Variants in DDX10 observed in about 807,000 individuals in gnomAD.
DDX10 encodes the protein probable ATP-dependent RNA helicase DDX10.
A neutral mutation model predicts 104.3 loss-of-function variants in DDX10; 74 were observed. The ratio of observed to expected loss-of-function variants is 0.71; its 90% CI spans 0.59 to 0.86. The LOEUF is 0.86. Ranked by LOEUF, DDX10 falls within the 40% of genes least tolerant of loss-of-function variation. The pLI, the probability that DDX10 is intolerant of heterozygous loss-of-function variation, is 0.00. For missense variants in DDX10, 952 were observed against 1,040.0 expected (o/e 0.92, Z 1.16); for synonymous variants, 351 against 353.4 (o/e 0.99, Z 0.08).
chr11:108,676,748 G>A (rs957543438), intron 3 of DDX10, among the ~76,000 whole-genome samples: 1 of 152,116 alleles, frequency 6.6e-6, no homozygotes, highest in African/African-American at 2.4e-5. Flanking sequence ...CCAGCCAAAA[G>A]TTTTAGTGTG....
chr11:108,802,505 A>G (rs926022558), intron 13 of DDX10, among the ~76,000 whole-genome samples: 17 of 152,202 alleles, frequency 1.1e-4, no homozygotes, highest in Non-Finnish European at 2.4e-4. Context: ...GACAAAATTT[A>G]TGGTTGCAAT....
intron 1 of DDX10, among the ~76,000 whole-genome samples, chr11:108,671,948 C>A (rs2094217586): frequency 6.6e-6 from 1 of 150,824 alleles, no homozygotes; most frequent in South Asian, 2.1e-4. Context: ...GTAGCCCCAG[C>A]TACTTGGGAG....
At chr11:108,824,544 T>C (rs748289263) in intron 13 of DDX10, among the ~76,000 whole-genome samples, 3 of 152,202 alleles carry the variant, frequency 2.0e-5, no homozygotes, top group South Asian at 4.1e-4. Context: ...GAAATTGATA[T>C]AGCCAATTTG....
In DDX10 at chr11:108,906,108, G is replaced by T. The variant is rs1427344895; in HGVS notation, c.2305-11765G>T. Among the ~76,000 whole-genome samples, 3 of 151,948 alleles carry T rather than the reference G, an allele frequency of 2.0e-5. No homozygotes were observed. In the East Asian group the frequency reaches 5.8e-4, roughly 29 times the overall value. Reference sequence around the variant, plus strand: ...TATATATTAATCCTTTTTTTATTGAGTAATATTTTAGTCATCAAACTATTT... The same window carrying T: ...TATATATTAATCCTTTTTTTATTGATTAATATTTTAGTCATCAAACTATTT... On this transcript the variant is annotated intron_variant, in intron 16 of 17. Coordinates refer to ENST00000322536, the MANE Select transcript of DDX10 (RefSeq NM_004398.4).
At chr11:108,716,093 G>C in intron 11 of DDX10, 127 bp downstream of exon 11, 1 of 658,460 alleles carries the variant, frequency 1.5e-6, no homozygotes, top group South Asian at 1.7e-5. Flanking sequence ...TGACAGATAA[G>C]TCTAGCTTAT....
At chr11:108,676,138 T>C (rs552997591) in intron 3 of DDX10, among the ~76,000 whole-genome samples, 91 of 152,328 alleles carry the variant, frequency 6.0e-4, no homozygotes, top group African/African-American at 2.2e-3. Context: ...TGAAATATGC[T>C]CAGTTTAAGG....
chr11:108,713,842 A>G lies in DDX10; in HGVS notation c.1323-2037A>G, dbSNP rs188919462. 1.5e-3 allele frequency among the ~76,000 whole-genome samples: 224 copies of G among 152,288 alleles called. 1 individual carries two copies. The highest frequency in any genetic ancestry group is 1.8e-3 in the Non-Finnish European group (120 of 68,022). ...TGTGAGGAAAGCATTCTTAAGACCT[A>G]TAGTAGGTCTCAGTCTTTTTGTGAG... is the stretch of plus-strand genomic sequence containing the variant. On this transcript the variant is annotated intron_variant, in intron 10 of 17. Transcript: ENST00000322536.
intron 16 of DDX10, among the ~76,000 whole-genome samples, chr11:108,891,398 T>C (rs1863374303): frequency 6.6e-6 from 1 of 152,136 alleles, no homozygotes; most frequent in Non-Finnish European, 1.5e-5. Context: ...GAAATCATGA[T>C]TGGCTGGCAG....
intron 13 of DDX10, among the ~76,000 whole-genome samples, chr11:108,792,779 T>C (rs1861888767): frequency 6.6e-6 from 1 of 152,220 alleles, no homozygotes; most frequent in African/African-American, 2.4e-5. Flanking sequence ...TTAATTACTA[T>C]GAAAAGATTG....
At chr11:108,722,704 T>C (rs1252635171) in intron 12 of DDX10, among the ~76,000 whole-genome samples, 2 of 152,166 alleles carry the variant, frequency 1.3e-5, no homozygotes, top group East Asian at 3.9e-4. Context: ...GAATTGGAAA[T>C]TGGCAGGTCT....
rs759776612 is a variant in DDX10, at chr11:108,917,929, T to C, written c.2361T>C (p.Asp787=). The change falls in exon 17 of 18, where the codon GAT becomes GAC. Residue 787 remains aspartate (D), a synonymous_variant. Coordinates refer to ENST00000322536, the MANE Select transcript of DDX10 (RefSeq NM_004398.4). The part of the protein sequence containing the change: ...LDWSDDDDDD[D]DGFDPSTLPD... ...GGAGTGATGATGATGATGATGATGA[T>C]GATGGATTTGATCCAAGCACACTCC... The C allele has an allele frequency of 6.8e-6, 11 of 1,612,964 alleles. No individual in the cohort carries two copies. Among genetic ancestry groups the C allele is most frequent in the Admixed American group, 1.7e-5 (1 of 59,974 alleles).
Position 108,721,914 on chromosome 11 carries a change from G to T in DDX10, c.1500-1083G>T, listed in dbSNP as rs554083194. Among the ~76,000 whole-genome samples, 11 of 152,300 alleles carry T rather than the reference G, an allele frequency of 7.2e-5. No homozygotes were observed. The South Asian group carries it at 2.3e-3, about 32-fold the overall frequency. Reference sequence around the variant, plus strand: ...TGCAATACATTGAGTGAAATTCTCTGGATGAGTTTGTGATCCTAACCCTAA... The same window carrying T: ...TGCAATACATTGAGTGAAATTCTCTTGATGAGTTTGTGATCCTAACCCTAA... On this transcript the variant is annotated intron_variant, in intron 12 of 17. Transcript: ENST00000322536.
intron 13 of DDX10, among the ~76,000 whole-genome samples, chr11:108,809,154 C>A (rs1862141508): frequency 6.6e-6 from 1 of 151,982 alleles, no homozygotes; most frequent in Non-Finnish European, 1.5e-5. Context: ...CCATTAACAC[C>A]CGCTTCAATT....
In DDX10 at chr11:108,940,257, A is replaced by G. The variant is rs776858711; in HGVS notation, c.2462A>G (p.Lys821Arg). 2 of 1,613,886 alleles carry G rather than the reference A, an allele frequency of 1.2e-6. No individual in the cohort carries two copies. The highest frequency in any genetic ancestry group is 2.2e-5 in the South Asian group (2 of 91,024). The part of the protein sequence containing the change: ...DMENKISDTK[K>R]KQGMKKRSNS... ...TTTCTTCTCACCAGTGATACCAAGA[A>G]GAAGCAGGGGATGAAGAAGAGGAGC... Residue 821 changes from lysine (K) to arginine (R), a missense_variant, in exon 18 of 18, where the codon AAG becomes AGG. By Grantham distance (26) the Lys-to-Arg change is conservative. This residue lies in a region of DDX10 where 533 missense variants were observed against 534.1 expected (regional missense o/e 1.00). Transcript: ENST00000322536.
Position 108,940,477 on chromosome 11 carries a change from A to C in DDX10, c.*54A>C, listed in dbSNP as rs1864095198. 1 of 1,579,294 alleles carries C rather than the reference A, an allele frequency of 6.3e-7. No homozygotes were observed. The highest frequency in any genetic ancestry group is 1.2e-5 in the South Asian group (1 of 85,802). ...AACCTTGGTTATGACTGCGTAGGCAAGAAGTTGAAAAACAGTTGATTTGGG... is the reference window on the plus strand; with the variant it reads ...AACCTTGGTTATGACTGCGTAGGCACGAAGTTGAAAAACAGTTGATTTGGG... On this transcript the variant is annotated 3_prime_UTR_variant, in exon 18 of 18. Transcript: ENST00000322536.
At chr11:108,817,687 A>G (rs1862273734) in intron 13 of DDX10, among the ~76,000 whole-genome samples, 1 of 152,190 alleles carries the variant, frequency 6.6e-6, no homozygotes, top group South Asian at 2.1e-4. Flanking sequence ...TATTCTTTGT[A>G]GTTCGTATTT....
intron 13 of DDX10, among the ~76,000 whole-genome samples, chr11:108,781,865 T>C (rs1230702399): frequency 6.6e-6 from 1 of 152,208 alleles, no homozygotes; most frequent in Non-Finnish European, 1.5e-5. Flanking sequence ...TTAATTTCTC[T>C]TTAAAGGTGT....
intron 17 of DDX10, 122 bp from the exon 18 acceptor site, chr11:108,940,124 T>A: frequency 1.9e-6 from 2 of 1,048,124 alleles, no homozygotes; most frequent in East Asian, 5.2e-5. Context: ...ATCTTGATGT[T>A]GCCATGGTTT....
intron 10 of DDX10, among the ~76,000 whole-genome samples, chr11:108,709,960 A>G (rs1451976435): frequency 6.6e-6 from 1 of 152,232 alleles, no homozygotes; most frequent in African/African-American, 2.4e-5. Flanking sequence ...TATATGGTAT[A>G]GCCTATTGCA....
Sources: gnomAD v4.1 joint callset for allele counts (sites outside exome capture counted in the v4.1 genomes callset) on GRCh38, gnomAD v4.1.1 for gene constraint, gnomAD v4.1.1 regional missense constraint, MANE v1.5 for transcripts, NCBI Gene and HGNC (gene_info 2026-07-23, HGNC 2026-07-21) for gene names.